The following TEFM variants were observed in gnomAD, a reference collection of about 807,000 sequenced individuals.
TEFM encodes transcription elongation factor, mitochondrial.
Under a neutral mutation model 23.0 loss-of-function variants are expected in TEFM, and 14 were observed. That is an observed-to-expected ratio of 0.61 (90% CI 0.40 to 0.95). The LOEUF is 0.95. TEFM is among the 40% of genes least tolerant of loss of function. TEFM has a pLI of 0.00. For missense variants in TEFM, 386 were observed against 425.5 expected (o/e 0.91, Z 0.82); for synonymous variants, 155 against 158.3 (o/e 0.98, Z 0.16).
At chr17:30,903,118 C>T (rs1169482517) in intron 2 of TEFM, among the ~76,000 whole-genome samples, 1 of 106,650 alleles carries the variant, frequency 9.4e-6, no homozygotes, top group Non-Finnish European at 1.7e-5. Context: ...AGCCTGGCGA[C>T]AGCACAAGAC....
intron 1 of TEFM, among the ~76,000 whole-genome samples, chr17:30,905,127 C>T (rs1348441856): frequency 6.6e-6 from 1 of 152,268 alleles, no homozygotes; most frequent in South Asian, 2.1e-4. Flanking sequence ...GTATTTTATA[C>T]CCATCAGGAA....
rs761357072 is a variant in TEFM at position 30,904,228 on chromosome 17, A to T, written c.333T>A (p.Asn111Lys). ...AGGGCACATTCATTAAACTCTCTAAATTCTGAAATGGCCCAAAGTTTTCTC... is the reference window on the plus strand; with the variant it reads ...AGGGCACATTCATTAAACTCTCTAATTTCTGAAATGGCCCAAAGTTTTCTC... ...EHRENFGPFQ[N>K]LESLMNVPLF... Residue 111 changes from asparagine (N) to lysine (K), a missense_variant, in exon 2 of 4, where the codon AAT becomes AAA. Asn to Lys is a moderately conservative substitution (Grantham distance 94). Transcript: ENST00000581216. 1 of 1,614,150 alleles carries T rather than the reference A, an allele frequency of 6.2e-7. No individual in the cohort carries two copies. The highest frequency in any genetic ancestry group is 8.5e-7 in the Non-Finnish European group (1 of 1,180,022).
chr17:30,904,681 CTT>C (rs200219653), intron 1 of TEFM, 152 bp from the exon 2 acceptor site: 8,843 of 453,904 alleles, frequency 0.019, no homozygotes, highest in South Asian at 0.026. Context: ...GGAGAATCAT[CTT>C]TTTTTTTTTT....
intron 1 of TEFM, 140 bp from the exon 2 acceptor site, chr17:30,904,669 T>C (rs1046269708): frequency 6.4e-6 from 4 of 629,734 alleles, no homozygotes; most frequent in Non-Finnish European, 5.3e-6. Flanking sequence ...TTAAATTGTC[T>C]TGGAGAATCA....
intron 2 of TEFM, among the ~76,000 whole-genome samples, chr17:30,901,856 G>C (rs1910053571): frequency 6.6e-6 from 1 of 152,194 alleles, no homozygotes; most frequent in South Asian, 2.1e-4. Flanking sequence ...TGAAGACAAT[G>C]ACAGAAGGAA....
chr17:30,905,520 C>CAAA (rs35702969), intron 1 of TEFM, among the ~76,000 whole-genome samples: 13,395 of 86,372 alleles, frequency 0.16, 767 homozygotes, highest in South Asian at 0.32. Context: ...AACTCCGTCT[C>CAAA]AAAAAAAAAA....
Position 30,901,714 on chromosome 17 carries a change from A to C in TEFM, c.496-1152T>G, listed in dbSNP as rs540211876. On this transcript the variant is annotated intron_variant, in intron 2 of 3. Coordinates refer to ENST00000581216, the MANE Select transcript of TEFM (RefSeq NM_024683.4). ...GAGTGCTACAGGGGCCACTAAAAAAACAGAATTTTAAGGAATAACATAAGA... is the reference window on the plus strand; with the variant it reads ...GAGTGCTACAGGGGCCACTAAAAAACCAGAATTTTAAGGAATAACATAAGA... Among the ~76,000 whole-genome samples the C allele has an allele frequency of 2.6e-5, 4 of 152,352 alleles. No individual in the cohort carries two copies. In the East Asian group the frequency reaches 7.7e-4, roughly 29 times the overall value.
chr17:30,903,433 G>A (rs1910091187), intron 2 of TEFM, among the ~76,000 whole-genome samples: 1 of 150,664 alleles, frequency 6.6e-6, no homozygotes, highest in African/African-American at 2.4e-5. Flanking sequence ...CACCACATTG[G>A]CCAGGATTGT....
chr17:30,899,036 A>T lies in TEFM; in HGVS notation c.*133T>A. On this transcript the variant is annotated 3_prime_UTR_variant, in exon 4 of 4. Coordinates refer to ENST00000581216, the MANE Select transcript of TEFM (RefSeq NM_024683.4). ...TCTTGGCTTATTGTGTAAACCATTT[A>T]ATAGCCAAAAGTCAGAATTTAAACA... 2.2e-6 allele frequency: 2 copies of T among 890,714 alleles called. No individual in the cohort carries two copies. Among genetic ancestry groups the T allele is most frequent in the Non-Finnish European group, 3.4e-6 (2 of 587,764 alleles). The allele number at this position is 890,714 out of a possible 1,614,324, so 55.2% of individuals were successfully genotyped here.
At position 30,899,216 on chromosome 17, in the gene TEFM, G is replaced by A. The variant is rs745935609; in HGVS notation, c.1036C>T (p.Gln346Ter). Residue 346 changes from glutamine (Q) to a stop codon, truncating the protein, a stop_gained, in exon 4 of 4, where the codon CAA becomes TAA. Transcript: ENST00000581216. LOFTEE classifies it high-confidence loss of function. ...GCTAATTCATAGAAGGCAATAGCTT[G>A]TAATAATGAATCATAAAGCTCTTCT... ...RVEELYDSLL[Q>*]AIAFYELAVF... 10 of 1,611,702 alleles carry A rather than the reference G, an allele frequency of 6.2e-6. No homozygotes were observed. Among genetic ancestry groups the A allele is most frequent in the Admixed American group, 3.3e-5 (2 of 59,752 alleles).
At chr17:30,903,629 T>C (rs1488834818) in intron 2 of TEFM, among the ~76,000 whole-genome samples, 1 of 151,902 alleles carries the variant, frequency 6.6e-6, no homozygotes, top group Non-Finnish European at 1.5e-5. Flanking sequence ...GAAAGACTGG[T>C]ATAATGTTCT....
intron 2 of TEFM, among the ~76,000 whole-genome samples, chr17:30,903,227 G>GTTTTTT (rs200737050): frequency 3.6e-5 from 5 of 140,340 alleles, no homozygotes; most frequent in Admixed American, 7.8e-5. Flanking sequence ...TTTTAGAATG[G>GTTTTTT]TGTTTTTTTT....
rs1218625678 is a variant in TEFM at position 30,899,043 on chromosome 17, A to G, written c.*126T>C. On this transcript the variant is annotated 3_prime_UTR_variant, in exon 4 of 4. Coordinates refer to ENST00000581216, the MANE Select transcript of TEFM (RefSeq NM_024683.4). The stretch of plus-strand genomic sequence containing the variant: ...TTATTGTGTAAACCATTTAATAGCC[A>G]AAAGTCAGAATTTAAACATCTAAAA... The G allele has an allele frequency of 1.0e-6, 1 of 983,204 alleles. No homozygotes were observed. Among genetic ancestry groups the G allele is most frequent in the African/African-American group, 1.6e-5 (1 of 61,834 alleles). The allele number at this position is 983,204 out of a possible 1,614,324, so 60.9% of individuals were successfully genotyped here.
At chr17:30,905,442 C>G (rs1910147309) in intron 1 of TEFM, among the ~76,000 whole-genome samples, 1 of 151,414 alleles carries the variant, frequency 6.6e-6, no homozygotes, top group Admixed American at 6.6e-5. Context: ...ATCGCTTGAG[C>G]CCGGAAGGCG....
rs752500919 is a variant in TEFM, at chr17:30,906,185, A to T, written c.14T>A (p.Val5Asp). The T allele has an allele frequency of 1.9e-5, 30 of 1,614,112 alleles. No homozygotes were observed. The highest frequency in any genetic ancestry group is 2.5e-5 in the Non-Finnish European group (30 of 1,180,050). The change falls in exon 1 of 4, where the codon GTC (valine) becomes GAC (aspartate). Residue 5 changes from valine to aspartate, a missense_variant. Coordinates refer to ENST00000581216, the MANE Select transcript of TEFM (RefSeq NM_024683.4). ...CACCCTACCTCCCGCCGTGAAGAGG[A>T]CAGACCCGCTCATCTCCAAGTTGAA... MSGS[V>D]LFTAGERWRC...
At position 30,904,370 on chromosome 17, in the gene TEFM, A is replaced by G; in HGVS notation, c.191T>C (p.Leu64Pro). Residue 64 changes from leucine to proline, a missense_variant, in exon 2 of 4, where the codon CTC (leucine) becomes CCC (proline). Transcript: ENST00000581216. ...GGAAGCCTGCTGTTCTGAAGAGAAG[A>G]GCTTGTCAAGTGCATTTTCGGGCTC... ...AKEPENALDK[L>P]FSSEQQASIL... 1.2e-6 allele frequency: 2 copies of G among 1,614,220 alleles called. No homozygotes were observed. Among genetic ancestry groups the G allele is most frequent in the Non-Finnish European group, 1.7e-6 (2 of 1,180,038 alleles).
rs1910113538 is a variant in TEFM at position 30,904,148 on chromosome 17, G to A, written c.413C>T (p.Thr138Ile). The A allele has an allele frequency of 6.2e-7, 1 of 1,614,014 alleles. No homozygotes were observed. Among genetic ancestry groups the A allele is most frequent in the African/African-American group, 1.3e-5 (1 of 74,914 alleles). ...QVCNSILCPK[T>I]GREKRKSPEN... The stretch of plus-strand genomic sequence containing the variant: ...CGGTGACTTTCTTTTTTCCCGTCCA[G>A]TCTTTGGACAAAGTATGGAGTTACA... The change falls in exon 2 of 4, where the codon ACT (threonine) becomes ATT (isoleucine). Residue 138 changes from threonine (T) to isoleucine (I), a missense_variant. By Grantham distance (89) the Thr-to-Ile change is moderately conservative. Coordinates refer to ENST00000581216, the MANE Select transcript of TEFM (RefSeq NM_024683.4).
intron 3 of TEFM, 66 bp downstream of exon 3, chr17:30,900,347 G>T (rs1259787524): frequency 6.8e-7 from 1 of 1,472,988 alleles, no homozygotes; most frequent in African/African-American, 1.4e-5. Flanking sequence ...ATTCCTTTTG[G>T]GACCAGAAGA....
In TEFM at chr17:30,899,243, C is replaced by G; in HGVS notation, c.1009G>C (p.Val337Leu). ...AATAATGAATCATAAAGCTCTTCTA[C>G]TCTTTGTAGTTCAGTAGATAAAAAC... ...QMFLSTELQR[V>L]EELYDSLLQA... The change falls in exon 4 of 4, where the codon GTA becomes CTA. Residue 337 changes from valine (V) to leucine (L), a missense_variant. Coordinates refer to ENST00000581216, the MANE Select transcript of TEFM (RefSeq NM_024683.4). 1 of 1,614,032 alleles carries G rather than the reference C, an allele frequency of 6.2e-7. No homozygotes were observed. Among genetic ancestry groups the G allele is most frequent in the Non-Finnish European group, 8.5e-7 (1 of 1,179,954 alleles).
Sources: allele counts gnomAD v4.1 joint callset (sites outside exome capture counted in the v4.1 genomes callset), GRCh38; gene constraint gnomAD v4.1.1; transcripts MANE v1.5; gene names NCBI Gene and HGNC (gene_info 2026-07-23, HGNC 2026-07-21).